Variants in NKAIN3 observed in about 807,000 individuals in gnomAD.
NKAIN3 encodes the protein sodium/potassium-transporting ATPase subunit beta-1-interacting protein 3.
In NKAIN3, 25 loss-of-function variants were observed where a neutral mutation model predicts 30.2. That is an observed-to-expected ratio of 0.83 (90% CI 0.60 to 1.16). The LOEUF is 1.16. NKAIN3 is among the 50% of genes most tolerant of loss of function. The pLI is 0.00. For missense variants in NKAIN3, 225 were observed against 254.1 expected (o/e 0.89, Z 0.78); for synonymous variants, 91 against 89.6 (o/e 1.02, Z -0.09).
At position 62,742,128 on chromosome 8, in the gene NKAIN3, T is replaced by TTATA. The variant is rs35456394; in HGVS notation, c.274-4789_274-4786dup. On this transcript the variant is annotated intron_variant, in intron 3 of 6. Coordinates refer to ENST00000623646, the MANE Select transcript of NKAIN3 (RefSeq NM_001304533.3). ...GCAGAATTTTATTAACATGTATATCTTATATATATATATATATAGGTGATA... is the reference window on the plus strand; with the variant it reads ...GCAGAATTTTATTAACATGTATATCTTATATATATATATATATATATAGGTGATA... 4.0e-5 allele frequency among the ~76,000 whole-genome samples: 6 copies of TTATA among 149,488 alleles called. No homozygotes were observed. The South Asian group carries it at 6.3e-4, about 16-fold the overall frequency.
intron 1 of NKAIN3, among the ~76,000 whole-genome samples, chr8:62,331,073 CTCTCTG>C (rs1254687166): frequency 6.6e-6 from 1 of 150,502 alleles, no homozygotes; most frequent in Non-Finnish European, 1.5e-5. Flanking sequence ...CTCTCTCTCT[CTCTCTG>C]TCTCTCTCTC....
Position 62,966,022 on chromosome 8 carries a change from A to G in NKAIN3, c.*615A>G. 2 of 984,790 alleles carry G rather than the reference A, an allele frequency of 2.0e-6. No homozygotes were observed. Among genetic ancestry groups the G allele is most frequent in the Non-Finnish European group, 2.4e-6 (2 of 829,460 alleles). 61.0% of individuals were successfully genotyped at this position (984,790 alleles called of 1,614,324 possible). On this transcript the variant is annotated 3_prime_UTR_variant, in exon 7 of 7. Transcript: ENST00000623646. ...AATCTAAATTTTCAGATTCGTGCAT[A>G]TCTTGTTTTTCCTGATATATATATA...
chr8:62,374,431 G>C (rs1817011493), intron 1 of NKAIN3, among the ~76,000 whole-genome samples: 1 of 152,192 alleles, frequency 6.6e-6, no homozygotes, highest in East Asian at 1.9e-4. Context: ...GCTTCTGCAG[G>C]AGTGATGCAG....
chr8:62,433,577 A>G (rs1054115204), intron 1 of NKAIN3, among the ~76,000 whole-genome samples: 1 of 152,186 alleles, frequency 6.6e-6, no homozygotes, highest in Admixed American at 6.5e-5. Context: ...ATAGAAATTT[A>G]GATATCTATT....
intron 4 of NKAIN3, among the ~76,000 whole-genome samples, chr8:62,811,546 TA>T (rs1460297161): frequency 2.6e-5 from 4 of 152,030 alleles, no homozygotes; most frequent in African/African-American, 9.7e-5. Context: ...TTATTGTCAT[TA>T]TTTCTTTATT....
At chr8:62,471,736 A>G (rs1806355539) in intron 1 of NKAIN3, among the ~76,000 whole-genome samples, 1 of 152,114 alleles carries the variant, frequency 6.6e-6, no homozygotes, top group South Asian at 2.1e-4. Context: ...GGGAGGATCA[A>G]AGTTTGAGAT....
rs34616447 is a variant in NKAIN3 at position 62,358,239 on chromosome 8, C to CTTTT, written c.54+109128_54+109131dup. ...TTGAAGCTAATTAATGATCTTATAC[C>CTTTT]TTTTTTTTTTTTTTTTTTTAGTACT... On this transcript the variant is annotated intron_variant, in intron 1 of 6. Coordinates refer to ENST00000623646, the MANE Select transcript of NKAIN3 (RefSeq NM_001304533.3). Among the ~76,000 whole-genome samples the CTTTT allele has an allele frequency of 7.5e-4, 92 of 121,904 alleles. 1 individual carries two copies. The highest frequency in any genetic ancestry group is 8.5e-3 in the Middle Eastern group (2 of 234). 80.0% of individuals were successfully genotyped at this position (121,904 alleles called of 152,430 possible). A position where few individuals can be genotyped will look rare whatever the true frequency, so the allele number is the denominator to read the frequency against.
chr8:62,891,915 A>G (rs1821308053), intron 4 of NKAIN3, among the ~76,000 whole-genome samples: 1 of 152,108 alleles, frequency 6.6e-6, no homozygotes. Context: ...ATGAGACTAA[A>G]GTAGGGATGT....
chr8:62,911,553 G>A (rs1821926571), intron 4 of NKAIN3, among the ~76,000 whole-genome samples: 1 of 152,026 alleles, frequency 6.6e-6, no homozygotes, highest in South Asian at 2.1e-4. Context: ...CTTCCTTGCA[G>A]TGACACTGAA....
At chr8:62,942,408 C>T (rs956452036) in intron 5 of NKAIN3, among the ~76,000 whole-genome samples, 1 of 151,072 alleles carries the variant, frequency 6.6e-6, no homozygotes, top group Admixed American at 6.6e-5. Flanking sequence ...ACACCCCATG[C>T]TCATGGATGC....
At chr8:62,690,670 G>T (rs1813939243) in intron 3 of NKAIN3, among the ~76,000 whole-genome samples, 1 of 152,270 alleles carries the variant, frequency 6.6e-6, no homozygotes, top group East Asian at 1.9e-4. Flanking sequence ...GGCACTCCCA[G>T]CCAGCTTCTC....
intron 1 of NKAIN3, among the ~76,000 whole-genome samples, chr8:62,283,998 A>G (rs1585632039): frequency 6.6e-6 from 1 of 152,186 alleles, no homozygotes; most frequent in Non-Finnish European, 1.5e-5. Context: ...ATTCTTGTGC[A>G]TGGAAAAACT....
At chr8:62,869,678 C>T (rs559484593) in intron 4 of NKAIN3, among the ~76,000 whole-genome samples, 25 of 152,256 alleles carry the variant, frequency 1.6e-4, no homozygotes, top group Middle Eastern at 3.4e-3. Flanking sequence ...CAACCCCTTG[C>T]GGGGGGTAGG....
At chr8:62,997,506 T>A (rs1804145135) in intron 5 of NKAIN3, among the ~76,000 whole-genome samples, 1 of 152,160 alleles carries the variant, frequency 6.6e-6, no homozygotes, top group Non-Finnish European at 1.5e-5. Flanking sequence ...TAAGAGGATT[T>A]GGAACTCATG....
chr8:62,492,208 T>C (rs745970643), intron 1 of NKAIN3, among the ~76,000 whole-genome samples: 1 of 152,138 alleles, frequency 6.6e-6, no homozygotes, highest in Non-Finnish European at 1.5e-5. Flanking sequence ...AGCTTAGTGA[T>C]CCACGATTGT....
intron 1 of NKAIN3, among the ~76,000 whole-genome samples, chr8:62,417,460 T>C (rs182899601): frequency 1.6e-3 from 234 of 150,268 alleles, no homozygotes; most frequent in Non-Finnish European, 2.9e-3. Flanking sequence ...TTCTATATAC[T>C]GATTTCCTTT....
intron 4 of NKAIN3, among the ~76,000 whole-genome samples, chr8:62,852,317 T>G (rs1819933684): frequency 6.6e-6 from 1 of 152,200 alleles, no homozygotes; most frequent in Non-Finnish European, 1.5e-5. Flanking sequence ...TTATCGTTTT[T>G]TATTGCATCT....
chr8:62,416,753 G>A (rs1255728648), intron 1 of NKAIN3, among the ~76,000 whole-genome samples: 1 of 152,046 alleles, frequency 6.6e-6, no homozygotes, highest in Non-Finnish European at 1.5e-5. Flanking sequence ...CCAGCACTTT[G>A]TGAGACTGGG....
intron 5 of NKAIN3, among the ~76,000 whole-genome samples, chr8:62,952,464 CA>C (rs1176340315): frequency 2.6e-5 from 4 of 151,964 alleles, no homozygotes; most frequent in African/African-American, 9.7e-5. Context: ...ATGTTGAAAA[CA>C]AAAAGAAATT....
Sources: gnomAD v4.1 joint callset for allele counts (sites outside exome capture counted in the v4.1 genomes callset) on GRCh38, gnomAD v4.1.1 for gene constraint, MANE v1.5 for transcripts, NCBI Gene and HGNC (gene_info 2026-07-23, HGNC 2026-07-21) for gene names.